The following PTPN1 variants were observed in gnomAD, a reference collection of about 807,000 sequenced individuals.
PTPN1 encodes the protein protein tyrosine phosphatase non-receptor type 1, also known as tyrosine-protein phosphatase non-receptor type 1.
Under a neutral mutation model 59.9 loss-of-function variants are expected in PTPN1, and 12 were observed. The ratio of observed to expected loss-of-function variants is 0.20; its 90% CI spans 0.13 to 0.32. The LOEUF is 0.32. Among genes scored for constraint, PTPN1 ranks in the 10% least tolerant of loss-of-function variants. The pLI is 1.00. For synonymous variants in PTPN1, 178 were observed against 203.6 expected (o/e 0.87, Z 1.07); for missense variants, 356 against 549.2 (o/e 0.65, Z 3.52).
chr20:50,542,469 G>C (rs750518927), intron 1 of PTPN1, among the ~76,000 whole-genome samples: 2 of 152,146 alleles, frequency 1.3e-5, no homozygotes, highest in Non-Finnish European at 2.9e-5. Context: ...GATTTTTGCA[G>C]GTCCTAGGGA....
chr20:50,545,405 G>A (rs1366813759), intron 1 of PTPN1, among the ~76,000 whole-genome samples: 3 of 152,192 alleles, frequency 2.0e-5, no homozygotes, highest in Non-Finnish European at 4.4e-5. Flanking sequence ...TCTTGGCATA[G>A]TAAATAGTAA....
intron 1 of PTPN1, among the ~76,000 whole-genome samples, chr20:50,516,751 G>A (rs1341052354): frequency 6.6e-6 from 1 of 152,050 alleles, no homozygotes; most frequent in Non-Finnish European, 1.5e-5. Flanking sequence ...GTAGCAATTG[G>A]GTGGCTTTTC....
At chr20:50,526,901 GA>G (rs111546594) in intron 1 of PTPN1, among the ~76,000 whole-genome samples, 4 of 151,654 alleles carry the variant, frequency 2.6e-5, no homozygotes, top group African/African-American at 7.3e-5. Flanking sequence ...AGCGCTGCTG[GA>G]AAAAAAATCC....
chr20:50,579,405 A>G, intron 7 of PTPN1, 76 bp downstream of exon 7: 1 of 1,508,088 alleles, frequency 6.6e-7, no homozygotes, highest in Non-Finnish European at 9.1e-7. Flanking sequence ...GTCAGTTGTA[A>G]AAGTTCAAAC....
chr20:50,516,180 T>C lies in PTPN1; in HGVS notation c.63+5590T>C, dbSNP rs910479686. Among the ~76,000 whole-genome samples, 10 of 152,016 alleles carry C rather than the reference T, an allele frequency of 6.6e-5. No individual in the cohort carries two copies. The East Asian group carries it at 1.3e-3, about 21-fold the overall frequency. On this transcript the variant is annotated intron_variant, in intron 1 of 9. Coordinates refer to ENST00000371621, the MANE Select transcript of PTPN1 (RefSeq NM_002827.4). ...TAAAATACTTTTTGATTTTGGGATATAAAATATAGTTCTCCATAAAATAAC... is the reference window on the plus strand; with the variant it reads ...TAAAATACTTTTTGATTTTGGGATACAAAATATAGTTCTCCATAAAATAAC...
chr20:50,547,111 T>C (rs1205346239), intron 1 of PTPN1, among the ~76,000 whole-genome samples: 1 of 152,262 alleles, frequency 6.6e-6, no homozygotes, highest in African/African-American at 2.4e-5. Context: ...TTTCTGCCTA[T>C]TGATTTCTAC....
rs1461686091 is a variant in PTPN1, at chr20:50,581,331, C to G, written c.1155C>G (p.Ala385=). 1.2e-6 allele frequency: 2 copies of G among 1,613,922 alleles called. No individual in the cohort carries two copies. Residue 385 remains alanine (A), a synonymous_variant, in exon 9 of 10, where the codon GCC becomes GCG. Coordinates refer to ENST00000371621, the MANE Select transcript of PTPN1 (RefSeq NM_002827.4). The stretch of plus-strand genomic sequence containing the variant: ...GAAGTCTTCGAGGTGCCCAGGCTGC[C>G]TCCCCAGCCAAAGGGGAGCCGTCAC... The part of the protein sequence containing the change: ...VGGSLRGAQA[A]SPAKGEPSLP...
In PTPN1 at chr20:50,568,397, A is replaced by T; in HGVS notation, c.273A>T (p.Thr91=). 1.2e-6 allele frequency: 2 copies of T among 1,614,120 alleles called. No homozygotes were observed. Among genetic ancestry groups the T allele is most frequent in the Non-Finnish European group, 1.7e-6 (2 of 1,179,968 alleles). Residue 91 remains threonine, a synonymous_variant, in exon 4 of 10, where the codon ACA becomes ACT. Transcript: ENST00000371621. This position sits in a 1 kb window ranked among gnomAD's most constrained non-coding sequence, Gnocchi z 5.6. ...YILTQGPLPN[T]CGHFWEMVWE... ...CTTTGCAGGGCCCTTTGCCTAACAC[A>T]TGCGGTCACTTTTGGGAGATGGTGT...
chr20:50,567,868 A>G (rs2082786371), intron 3 of PTPN1, among the ~76,000 whole-genome samples: 1 of 152,232 alleles, frequency 6.6e-6, no homozygotes, highest in Admixed American at 6.5e-5. Flanking sequence ...AAATGAACAT[A>G]CTTCATTTTC....
intron 1 of PTPN1, among the ~76,000 whole-genome samples, chr20:50,511,329 C>G (rs553171713): frequency 1.3e-5 from 2 of 152,248 alleles, no homozygotes; most frequent in African/African-American, 4.8e-5. Context: ...GGCCGGCTGT[C>G]TTAGAGAAGG....
chr20:50,560,270 AG>A (rs372862232), intron 1 of PTPN1, among the ~76,000 whole-genome samples: 58 of 152,166 alleles, frequency 3.8e-4, no homozygotes, highest in African/African-American at 1.3e-3. Flanking sequence ...TGCAGTTCAT[AG>A]ACCTTCTGGT....
At chr20:50,517,190 C>CA (rs1361873837) in intron 1 of PTPN1, among the ~76,000 whole-genome samples, 2 of 152,176 alleles carry the variant, frequency 1.3e-5, no homozygotes, top group Admixed American at 6.5e-5. Flanking sequence ...TGGTACAAGT[C>CA]ACACTACTAC....
At chr20:50,528,947 G>A (rs1276641096) in intron 1 of PTPN1, among the ~76,000 whole-genome samples, 1 of 152,100 alleles carries the variant, frequency 6.6e-6, no homozygotes, top group African/African-American at 2.4e-5. Flanking sequence ...GTAATTTTCT[G>A]TATGTGGTGT....
rs1160807770 is a variant in PTPN1, at chr20:50,584,009, C to G, written c.*1294C>G. 2.0e-5 allele frequency: 3 copies of G among 152,656 alleles called. No homozygotes were observed. Among genetic ancestry groups the G allele is most frequent in the African/African-American group, 7.2e-5 (3 of 41,448 alleles). The allele number at this position is 152,656 out of a possible 1,614,324, so 9.5% of individuals were successfully genotyped here. ...TAGGCAGCCTGCCGCCGTCTCTGTC[C>G]CGGTTCACCTTGCCGAGAGAGGCGC... On this transcript the variant is annotated 3_prime_UTR_variant, in exon 10 of 10. Coordinates refer to ENST00000371621, the MANE Select transcript of PTPN1 (RefSeq NM_002827.4).
chr20:50,575,573 A>C (rs1335334212), intron 5 of PTPN1, among the ~76,000 whole-genome samples: 1 of 152,204 alleles, frequency 6.6e-6, no homozygotes, highest in African/African-American at 2.4e-5. Context: ...GGGTTACCCC[A>C]TGCCTCCCCT....
chr20:50,530,688 ATTTTTT>A (rs1015765964), intron 1 of PTPN1, among the ~76,000 whole-genome samples: 3 of 135,792 alleles, frequency 2.2e-5, no homozygotes, highest in African/African-American at 8.2e-5. Context: ...CGCCTGGCCA[ATTTTTT>A]TTTTTTTTTT....
At chr20:50,525,280 C>T (rs922098690) in intron 1 of PTPN1, among the ~76,000 whole-genome samples, 3 of 152,146 alleles carry the variant, frequency 2.0e-5, no homozygotes, top group African/African-American at 2.4e-5. Flanking sequence ...AGGGTGGTCT[C>T]GCACTTCTGA....
At chr20:50,555,431 A>G (rs2082721926) in intron 1 of PTPN1, among the ~76,000 whole-genome samples, 1 of 152,150 alleles carries the variant, frequency 6.6e-6, no homozygotes, top group Non-Finnish European at 1.5e-5. Context: ...AGCACAAGTG[A>G]ACTTTTTGGG....
At chr20:50,533,156 A>G (rs2082608891) in intron 1 of PTPN1, among the ~76,000 whole-genome samples, 1 of 151,972 alleles carries the variant, frequency 6.6e-6, no homozygotes, top group African/African-American at 2.4e-5. Flanking sequence ...CTAAATCTAA[A>G]TGTTGTGGCA....
Sources: allele counts gnomAD v4.1 joint callset (sites outside exome capture counted in the v4.1 genomes callset), GRCh38; gene constraint gnomAD v4.1.1; non-coding constraint Gnocchi (gnomAD v3.1); transcripts MANE v1.5; gene names NCBI Gene and HGNC (gene_info 2026-07-23, HGNC 2026-07-21).